PTPA: variants seen among roughly 807,000 people sequenced by gnomAD.
PTPA encodes protein phosphatase 2 phosphatase activator, also known as serine/threonine-protein phosphatase 2A activator.
PTPA carries 13 observed loss-of-function variants against 43.6 expected under a neutral mutation model. The ratio of observed to expected loss-of-function variants is 0.30; its 90% confidence interval spans 0.19 to 0.47. The LOEUF (loss-of-function observed/expected upper bound fraction) is 0.47, where lower values mean the gene tolerates loss of function less well. Ranked by LOEUF, PTPA falls within the 20% of genes least tolerant of loss-of-function variation. The pLI is 0.99. For synonymous variants in PTPA, 172 were observed against 158.2 expected (o/e 1.09, Z -0.66); for missense variants, 329 against 411.9 (o/e 0.80, Z 1.74).
intron 9 of PTPA, among the ~76,000 whole-genome samples, chr9:129,144,830 C>T (rs985773534): frequency 2.7e-5 from 4 of 150,916 alleles, no homozygotes; most frequent in South Asian, 4.2e-4. Flanking sequence ...GCCAGGAGTT[C>T]GAGACCAACC....
At chr9:129,142,638 G>A (rs553983188) in intron 9 of PTPA, 86 bp downstream of exon 9, 21 of 1,573,418 alleles carry the variant, frequency 1.3e-5, no homozygotes, top group Middle Eastern at 1.7e-4. Flanking sequence ...GGAACCTGGG[G>A]CTCCTGCTTC....
At chr9:129,145,605 C>T (rs1851243517) in intron 9 of PTPA, among the ~76,000 whole-genome samples, 1 of 152,120 alleles carries the variant, frequency 6.6e-6, no homozygotes, top group Admixed American at 6.5e-5. Flanking sequence ...CCTGGGCTGC[C>T]ACAGAAGTCT....
intron 1 of PTPA, among the ~76,000 whole-genome samples, chr9:129,115,713 C>T (rs951731315): frequency 1.3e-5 from 2 of 151,812 alleles, no homozygotes; most frequent in African/African-American, 4.8e-5. Context: ...GATCTTGGCT[C>T]ACTGTAACCT....
intron 8 of PTPA, among the ~76,000 whole-genome samples, chr9:129,138,561 T>C (rs1425521923): frequency 6.6e-6 from 1 of 152,172 alleles, no homozygotes; most frequent in Non-Finnish European, 1.5e-5. Context: ...CGCTCAGCTA[T>C]CTGGAGAGGG....
Position 129,137,704 on chromosome 9 carries a change from G to A in PTPA, c.786+12G>A, listed in dbSNP as rs770925567. 2.0e-5 allele frequency: 32 copies of A among 1,578,458 alleles called. No homozygotes were observed. The Admixed American group carries it at 2.3e-4, about 11-fold the overall frequency. The stretch of plus-strand genomic sequence containing the variant: ...TGTTTATTACCGAGGTGAGGAGGAG[G>A]GGTGAGAGAGAAGCCCATGGCTGCC... On this transcript the variant is annotated intron_variant, in intron 8 of 9. Transcript: ENST00000393370.
At chr9:129,122,652 C>G (rs1032492496) in intron 2 of PTPA, among the ~76,000 whole-genome samples, 5 of 152,228 alleles carry the variant, frequency 3.3e-5, no homozygotes, top group African/African-American at 1.2e-4. Context: ...AGTTAGGCTA[C>G]TGGGTCCTAG....
chr9:129,140,640 CAAA>C (rs1320386888), intron 8 of PTPA, among the ~76,000 whole-genome samples: 1 of 152,174 alleles, frequency 6.6e-6, no homozygotes, highest in Non-Finnish European at 1.5e-5. Context: ...CCCTGGCAGA[CAAA>C]GCCGACAAAG....
chr9:129,126,754 C>A (rs779452815), intron 3 of PTPA, among the ~76,000 whole-genome samples: 2 of 152,098 alleles, frequency 1.3e-5, no homozygotes, highest in Non-Finnish European at 2.9e-5. Context: ...CCCCAGTTCC[C>A]TTTCTTTCAG....
chr9:129,120,457 GTGT>G, intron 1 of PTPA, 53 bp from the exon 2 acceptor site: 1 of 1,194,592 alleles, frequency 8.4e-7, no homozygotes, highest in Non-Finnish European at 1.2e-6. Context: ...GGGAGTGTGT[GTGT>G]TGTAGGGGAG....
intron 3 of PTPA, among the ~76,000 whole-genome samples, chr9:129,124,206 T>C (rs1029620860): frequency 5.9e-5 from 9 of 152,010 alleles, no homozygotes; most frequent in African/African-American, 1.9e-4. Context: ...ATTTATCTTA[T>C]TTTATTTTTT....
chr9:129,116,080 G>A (rs369888938), intron 1 of PTPA, among the ~76,000 whole-genome samples: 11 of 151,790 alleles, frequency 7.2e-5, no homozygotes, highest in African/African-American at 2.2e-4. Flanking sequence ...GAGTGCAGTG[G>A]CGCGACCTCG....
intron 5 of PTPA, among the ~76,000 whole-genome samples, chr9:129,132,040 C>T (rs1374690729): frequency 6.6e-6 from 1 of 152,160 alleles, no homozygotes; most frequent in Non-Finnish European, 1.5e-5. Context: ...TTTGCAGTGT[C>T]GTGGCACACC....
At chr9:129,123,248 C>T (rs568291970) in intron 3 of PTPA, 110 bp downstream of exon 3, 135 of 876,802 alleles carry the variant, frequency 1.5e-4, no homozygotes, top group Non-Finnish European at 2.2e-4. Context: ...CCGAGGCAGG[C>T]GGCTCACGAG....
At chr9:129,146,079 A>G (rs1385994963) in intron 9 of PTPA, among the ~76,000 whole-genome samples, 1 of 89,216 alleles carries the variant, frequency 1.1e-5, no homozygotes, top group East Asian at 3.5e-4. Flanking sequence ...TTGACCTTTG[A>G]CCCCTTCTGG....
In PTPA at chr9:129,122,349, T is replaced by C. The variant is rs574642610; in HGVS notation, c.130-703T>C. Among the ~76,000 whole-genome samples, 8 of 152,306 alleles carry C rather than the reference T, an allele frequency of 5.3e-5. No individual in the cohort carries two copies. The East Asian group carries it at 1.5e-3, about 29-fold the overall frequency. Reference sequence around the variant, plus strand: ...AGCTCCTGGGTTCAAGTGATCCTCCTGCATCAGCCTCCCAAAGTGCTAGGA... The same window carrying C: ...AGCTCCTGGGTTCAAGTGATCCTCCCGCATCAGCCTCCCAAAGTGCTAGGA... On this transcript the variant is annotated intron_variant, in intron 2 of 9. Transcript: ENST00000393370.
chr9:129,128,107 G>T (rs1423945699), intron 3 of PTPA: 7 of 1,261,982 alleles, frequency 5.5e-6, no homozygotes, highest in Non-Finnish European at 7.4e-6. Flanking sequence ...CGAAGAAACT[G>T]AGAGGCTCAG....
rs184193209 is a variant in PTPA at position 129,139,813 on chromosome 9, A to C, written c.786+2121A>C. 1.7e-4 allele frequency among the ~76,000 whole-genome samples: 26 copies of C among 152,084 alleles called. No individual in the cohort carries two copies. The East Asian group carries it at 5.0e-3, about 29-fold the overall frequency. On this transcript the variant is annotated intron_variant, in intron 8 of 9. Coordinates refer to ENST00000393370, the MANE Select transcript of PTPA (RefSeq NM_178000.3). Reference sequence around the variant, plus strand: ...ACACCGAGAACTTGGGAGTGGAATCAGGCAGCCCTTTCAGGGTCTCATGCC... The same window carrying C: ...ACACCGAGAACTTGGGAGTGGAATCCGGCAGCCCTTTCAGGGTCTCATGCC...
chr9:129,128,896 G>T, intron 3 of PTPA, 89 bp from the exon 4 acceptor site: 2 of 1,530,074 alleles, frequency 1.3e-6, no homozygotes, highest in South Asian at 1.2e-5. Context: ...ATGCCAAGGG[G>T]TCATTGTCTG....
intron 1 of PTPA, among the ~76,000 whole-genome samples, chr9:129,118,633 C>G (rs1353904028): frequency 1.3e-5 from 2 of 152,124 alleles, no homozygotes; most frequent in Non-Finnish European, 2.9e-5. Flanking sequence ...CTTTGGCCTC[C>G]CAAAGTGCTG....
Sources: gnomAD v4.1 joint callset for allele counts (sites outside exome capture counted in the v4.1 genomes callset) on GRCh38, gnomAD v4.1.1 for gene constraint, MANE v1.5 for transcripts, NCBI Gene and HGNC (gene_info 2026-07-23, HGNC 2026-07-21) for gene names.